The following STPG2 variants were observed in gnomAD, a reference collection of about 807,000 sequenced individuals.
STPG2 encodes sperm tail PG-rich repeat containing 2, also known as sperm-tail PG-rich repeat-containing protein 2.
A neutral mutation model predicts 54.2 loss-of-function variants in STPG2; 56 were observed. The ratio of observed to expected loss-of-function variants is 1.03; its 90% CI spans 0.83 to 1.29. The LOEUF is 1.29. Among genes scored for constraint, STPG2 ranks in the 50% most tolerant of loss-of-function variants. The probability of loss-of-function intolerance (pLI) is 0.00; values close to 1 mark genes in which losing one functional copy is unlikely to be tolerated. For synonymous variants in STPG2, 200 were observed against 181.8 expected (o/e 1.10, Z -0.81); for missense variants, 596 against 544.9 (o/e 1.09, Z -0.93).
chr4:97,482,660 C>T (rs530454245), intron 4 of STPG2, among the ~76,000 whole-genome samples: 9 of 151,678 alleles, frequency 5.9e-5, no homozygotes, highest in African/African-American at 1.9e-4. Context: ...GAAAACTTCC[C>T]TGGCCTTGCT....
chr4:97,972,036 C>T (rs1321962108), intron 7 of STPG2, among the ~76,000 whole-genome samples: 33 of 151,960 alleles, frequency 2.2e-4, no homozygotes, highest in Admixed American at 2.2e-3. Context: ...TGAACAAATC[C>T]CCAGAGCATA....
chr4:97,995,637 C>T lies in STPG2; in HGVS notation c.613-14319G>A, dbSNP rs528465886. On this transcript the variant is annotated intron_variant, in intron 5 of 10. Transcript: ENST00000295268. Reference sequence around the variant, plus strand: ...TGAGTAGATGTTCAAAGGGAAGGCACTAAAAATGAACAGATAGAGAATACA... The same window carrying T: ...TGAGTAGATGTTCAAAGGGAAGGCATTAAAAATGAACAGATAGAGAATACA... Among the ~76,000 whole-genome samples, 132 of 152,132 alleles carry T rather than the reference C, an allele frequency of 8.7e-4. 1 individual carries two copies. The highest frequency in any genetic ancestry group is 1.7e-3 in the South Asian group (8 of 4,806).
chr4:97,992,503 C>A (rs1310049405), intron 5 of STPG2, among the ~76,000 whole-genome samples: 1 of 152,078 alleles, frequency 6.6e-6, no homozygotes, highest in Non-Finnish European at 1.5e-5. Flanking sequence ...TGACTATAGC[C>A]TTGTAGTATA....
chr4:97,655,265 T>C (rs939560296), intron 10 of STPG2, among the ~76,000 whole-genome samples: 1 of 152,078 alleles, frequency 6.6e-6, no homozygotes, highest in Non-Finnish European at 1.5e-5. Flanking sequence ...AACGTTTGTA[T>C]ATATTATCTG....
chr4:97,682,244 A>T (rs985625985), intron 10 of STPG2, among the ~76,000 whole-genome samples: 1 of 151,842 alleles, frequency 6.6e-6, no homozygotes, highest in African/African-American at 2.4e-5. Flanking sequence ...GAGTCAAGAT[A>T]ACATACTGTG....
chr4:97,822,132 G>C (rs190124505), intron 9 of STPG2, among the ~76,000 whole-genome samples: 1 of 151,850 alleles, frequency 6.6e-6, no homozygotes. Flanking sequence ...TTACTTTTTT[G>C]CTCCTGCATC....
chr4:97,906,589 T>A lies in STPG2; in HGVS notation c.1044+37308A>T, dbSNP rs1442322184. 2.0e-5 allele frequency among the ~76,000 whole-genome samples: 3 copies of A among 152,244 alleles called. No individual in the cohort carries two copies. The East Asian group carries it at 5.8e-4, about 29-fold the overall frequency. ...AAAAGAGAATTTTAGACCAATATCC[T>A]TGATGAACATTGATGCAAAAATCCT... On this transcript the variant is annotated intron_variant, in intron 8 of 10. Transcript: ENST00000295268.
intron 5 of STPG2, among the ~76,000 whole-genome samples, chr4:98,010,382 T>C (rs564487859): frequency 6.6e-4 from 101 of 152,300 alleles, no homozygotes; most frequent in African/African-American, 2.3e-3. Flanking sequence ...ATGACCTTCT[T>C]TGTCTCTTGT....
chr4:97,502,706 T>TG (rs1730752659), intron 4 of STPG2, among the ~76,000 whole-genome samples: 2 of 151,716 alleles, frequency 1.3e-5, no homozygotes, highest in African/African-American at 4.8e-5. Flanking sequence ...AAAATAGAGT[T>TG]GCAAGGCAGT....
intron 2 of STPG2, among the ~76,000 whole-genome samples, chr4:98,132,770 G>A (rs1189210218): frequency 6.6e-6 from 1 of 151,968 alleles, no homozygotes; most frequent in African/African-American, 2.4e-5. Context: ...AGTAAGAGAA[G>A]ATAGCAATTA....
At chr4:97,648,610 T>C (rs989613857) in intron 10 of STPG2, among the ~76,000 whole-genome samples, 2 of 152,082 alleles carry the variant, frequency 1.3e-5, no homozygotes, top group Non-Finnish European at 2.9e-5. Flanking sequence ...CAAATTCCAG[T>C]TTTTGTTCTT....
chr4:97,814,542 T>A (rs1442356083), intron 9 of STPG2, among the ~76,000 whole-genome samples: 1 of 152,060 alleles, frequency 6.6e-6, no homozygotes, highest in Non-Finnish European at 1.5e-5. Flanking sequence ...GGCTAAATGG[T>A]CAGTGTGATG....
intron 8 of STPG2, among the ~76,000 whole-genome samples, chr4:97,903,709 T>G (rs1731270382): frequency 6.6e-6 from 1 of 151,954 alleles, no homozygotes; most frequent in Admixed American, 6.6e-5. Context: ...CACTAGGGAG[T>G]GCCAGACAGT....
intron 8 of STPG2, among the ~76,000 whole-genome samples, chr4:97,859,608 G>A (rs192752689): frequency 1.3e-4 from 20 of 152,070 alleles, no homozygotes; most frequent in African/African-American, 4.8e-4. Context: ...GGGACTACAG[G>A]CACGTGCCAC....
intron 9 of STPG2, 46 bp downstream of exon 9, chr4:97,840,727 C>T: frequency 6.4e-7 from 1 of 1,559,928 alleles, no homozygotes; most frequent in Non-Finnish European, 8.6e-7. Flanking sequence ...ATATGGAAAC[C>T]TTAGAATTTT....
intron 9 of STPG2, among the ~76,000 whole-genome samples, chr4:97,820,541 G>A (rs1275011471): frequency 1.3e-5 from 2 of 152,174 alleles, no homozygotes; most frequent in East Asian, 3.8e-4. Context: ...AATTAAAAAT[G>A]CTACCACAGT....
intron 8 of STPG2, among the ~76,000 whole-genome samples, chr4:97,848,888 T>C (rs1357990071): frequency 3.3e-5 from 5 of 150,652 alleles, no homozygotes; most frequent in Admixed American, 2.0e-4. Context: ...TACCATGCTG[T>C]TTTGGTTACT....
chr4:97,865,954 G>T (rs1323859180), intron 8 of STPG2, among the ~76,000 whole-genome samples: 3 of 151,806 alleles, frequency 2.0e-5, no homozygotes, highest in Non-Finnish European at 4.4e-5. Context: ...AACATGGATG[G>T]AACTGGAGGT....
At chr4:97,861,111 A>G (rs191778163) in intron 8 of STPG2, among the ~76,000 whole-genome samples, 3 of 152,316 alleles carry the variant, frequency 2.0e-5, no homozygotes, top group Admixed American at 1.3e-4. Flanking sequence ...TAGGGGATTA[A>G]TAACCAGATA....
Sources: gnomAD v4.1 joint callset for allele counts (sites outside exome capture counted in the v4.1 genomes callset) on GRCh38, gnomAD v4.1.1 for gene constraint, MANE v1.5 for transcripts, NCBI Gene and HGNC (gene_info 2026-07-23, HGNC 2026-07-21) for gene names.